Variants in PAK1 observed in about 807,000 individuals in gnomAD.
The protein encoded by PAK1 is p21 (RAC1) activated kinase 1, also known as serine/threonine-protein kinase PAK 1.
PAK1 carries 29 observed loss-of-function variants against 67.4 expected under a neutral mutation model. The observed-to-expected ratio is 0.43, with a 90% CI of 0.32 to 0.59. PAK1 has a LOEUF of 0.59. Among genes scored for constraint, PAK1 ranks in the 20% least tolerant of loss-of-function variants. PAK1 has a pLI of 0.07. For synonymous variants in PAK1, 223 were observed against 237.4 expected, an observed-to-expected ratio of 0.94 and a Z score of 0.56; for missense variants, 337 against 670.7, an observed-to-expected ratio of 0.50 and a Z score of 5.50.
At chr11:77,463,328 G>A (rs935084675) in intron 1 of PAK1, among the ~76,000 whole-genome samples, 1 of 152,112 alleles carries the variant, frequency 6.6e-6, no homozygotes, top group East Asian at 1.9e-4. Context: ...ATGGGTATAT[G>A]GGTGTTCACT....
intron 10 of PAK1, among the ~76,000 whole-genome samples, chr11:77,341,063 A>C (rs1943521381): frequency 6.6e-6 from 1 of 152,166 alleles, no homozygotes; most frequent in Non-Finnish European, 1.5e-5. Flanking sequence ...AACACAAAGG[A>C]AGACATCCTA....
At chr11:77,482,679 G>C in the PAK1 span, among the ~76,000 whole-genome samples, 1 of 148,806 alleles carries the variant, frequency 6.7e-6, no homozygotes, top group African/African-American at 2.5e-5. Context: ...CTGCAGCCTC[G>C]ACCTCCTGAG....
At chr11:77,502,888 C>G in the PAK1 span, among the ~76,000 whole-genome samples, 54 of 152,146 alleles carry the variant, frequency 3.5e-4, no homozygotes, top group Non-Finnish European at 7.2e-4. Context: ...TAATTGTGAC[C>G]AAATTTTCTT....
the PAK1 span, among the ~76,000 whole-genome samples, chr11:77,492,282 C>G: frequency 6.6e-6 from 1 of 151,668 alleles, no homozygotes; most frequent in Non-Finnish European, 1.5e-5. Flanking sequence ...TTGCAGTGAG[C>G]TGAGATCACG....
intron 1 of PAK1, among the ~76,000 whole-genome samples, chr11:77,472,833 C>T (rs557446496): frequency 1.0e-5 from 1 of 98,398 alleles, no homozygotes; most frequent in East Asian, 3.0e-4. Context: ...GGTTTAAAAA[C>T]CAAGGACGTT....
the PAK1 span, among the ~76,000 whole-genome samples, chr11:77,505,809 A>T: frequency 2.6e-5 from 4 of 152,130 alleles, no homozygotes; most frequent in Non-Finnish European, 4.4e-5. Flanking sequence ...TCATCTGTTG[A>T]TGGGGGCTTC....
the PAK1 span, among the ~76,000 whole-genome samples, chr11:77,484,912 G>A: frequency 6.6e-6 from 1 of 152,214 alleles, no homozygotes; most frequent in South Asian, 2.1e-4. Context: ...AATCACGGCA[G>A]AAGGCAAGGA....
At chr11:77,397,264 T>C (rs1042941921) in intron 1 of PAK1, 4 of 152,270 alleles carry the variant, frequency 2.6e-5, no homozygotes, top group African/African-American at 4.8e-5. Flanking sequence ...CAACTAATTA[T>C]ATTGAAGCAT....
At chr11:77,368,064 A>C (rs1307129302) in intron 5 of PAK1, among the ~76,000 whole-genome samples, 1 of 152,256 alleles carries the variant, frequency 6.6e-6, no homozygotes, top group Non-Finnish European at 1.5e-5. Flanking sequence ...GGAAGAAATC[A>C]TCAACAAAAT....
chr11:77,463,000 T>TG (rs1185924220), intron 1 of PAK1, among the ~76,000 whole-genome samples: 15 of 25,170 alleles, frequency 6.0e-4, no homozygotes, highest in South Asian at 1.2e-3. Context: ...GGGGGTGGGG[T>TG]GGGGGGGCTT....
chr11:77,326,088 T>C (rs1939757542), intron 14 of PAK1, among the ~76,000 whole-genome samples: 2 of 152,242 alleles, frequency 1.3e-5, no homozygotes, highest in South Asian at 2.1e-4. Context: ...TAAAGTTGCA[T>C]GTGATACTTA....
chr11:77,368,116 C>T (rs1947858638), intron 5 of PAK1, among the ~76,000 whole-genome samples: 2 of 152,134 alleles, frequency 1.3e-5, no homozygotes, highest in African/African-American at 2.4e-5. Context: ...AGTTTCCAGG[C>T]CGAAAGAGTT....
the PAK1 span, among the ~76,000 whole-genome samples, chr11:77,491,011 T>C: frequency 6.6e-6 from 1 of 152,084 alleles, no homozygotes; most frequent in Non-Finnish European, 1.5e-5. Flanking sequence ...AAGGGTCCTC[T>C]GCCTAGGAAA....
chr11:77,484,999 T>C, the PAK1 span, among the ~76,000 whole-genome samples: 5 of 152,174 alleles, frequency 3.3e-5, no homozygotes, highest in African/African-American at 9.7e-5. Flanking sequence ...CCCGTTATAA[T>C]ACTGTCAGAT....
At chr11:77,394,145 T>C (rs981736147) in intron 1 of PAK1, among the ~76,000 whole-genome samples, 5 of 152,200 alleles carry the variant, frequency 3.3e-5, no homozygotes, top group African/African-American at 1.2e-4. Flanking sequence ...TAGTCTTCCA[T>C]GCTGCAGTAG....
chr11:77,324,225 T>G (rs1318194730), intron 14 of PAK1, among the ~76,000 whole-genome samples: 1 of 143,230 alleles, frequency 7.0e-6, no homozygotes, highest in Non-Finnish European at 1.5e-5. Context: ...CAGGCTGGAG[T>G]GCAGTGGTGC....
the PAK1 span, among the ~76,000 whole-genome samples, chr11:77,491,289 G>A: frequency 3.3e-5 from 5 of 151,728 alleles, no homozygotes; most frequent in Non-Finnish European, 7.4e-5. Flanking sequence ...AGATGAATCT[G>A]TCAAAAATAA....
chr11:77,508,653 G>C, the PAK1 span, among the ~76,000 whole-genome samples: 1 of 142,786 alleles, frequency 7.0e-6, no homozygotes, highest in African/African-American at 2.5e-5. Context: ...CCCCTACATA[G>C]AGATTCTTTT....
At chr11:77,431,237 A>G (rs1453505316) in intron 1 of PAK1, among the ~76,000 whole-genome samples, 2 of 152,224 alleles carry the variant, frequency 1.3e-5, no homozygotes, top group Non-Finnish European at 2.9e-5. Context: ...CATTTACAAG[A>G]TAATTTGCAT....
Sources: allele counts gnomAD v4.1 joint callset (sites outside exome capture counted in the v4.1 genomes callset), GRCh38; gene constraint gnomAD v4.1.1; transcripts MANE v1.5; gene names NCBI Gene and HGNC (gene_info 2026-07-23, HGNC 2026-07-21).